The following TBC1D5 variants were observed in gnomAD, a reference collection of about 807,000 sequenced individuals.
TBC1D5 encodes the protein TBC1 domain family member 5.
In TBC1D5, 75 loss-of-function variants were observed where a neutral mutation model predicts 100.3. The ratio of observed to expected loss-of-function variants is 0.75; its 90% CI spans 0.62 to 0.91. The LOEUF (loss-of-function observed/expected upper bound fraction) is 0.91. Ranked by LOEUF, TBC1D5 falls within the 40% of genes least tolerant of loss-of-function variation. The probability of loss-of-function intolerance (pLI) is 0.00; values close to 1 mark genes in which losing one functional copy is unlikely to be tolerated. For synonymous variants in TBC1D5, 323 were observed against 325.6 expected, an observed-to-expected ratio of 0.99 and a Z score of 0.09; for missense variants, 910 against 942.4, an observed-to-expected ratio of 0.97 and a Z score of 0.45.
intron 2 of TBC1D5, among the ~76,000 whole-genome samples, chr3:17,570,973 C>T (rs2096623571): frequency 1.3e-5 from 2 of 151,974 alleles, no homozygotes; most frequent in African/African-American, 4.8e-5. Context: ...TTTCACCTCT[C>T]TAATGTTTCT....
intron 9 of TBC1D5, 80 bp downstream of exon 9, chr3:17,383,833 T>C (rs1218659305): frequency 3.7e-6 from 4 of 1,083,754 alleles, no homozygotes; most frequent in South Asian, 1.6e-5. Flanking sequence ...CAATAAAGGC[T>C]ACATTATTGC....
chr3:17,716,052 C>A (rs1323995180), intron 1 of TBC1D5, among the ~76,000 whole-genome samples: 1 of 150,716 alleles, frequency 6.6e-6, no homozygotes, highest in Non-Finnish European at 1.5e-5. Flanking sequence ...AATTCCATCT[C>A]AAAAAAAAGA....
intron 13 of TBC1D5, among the ~76,000 whole-genome samples, chr3:17,359,317 A>G (rs2091499721): frequency 6.6e-6 from 1 of 152,148 alleles, no homozygotes; most frequent in Non-Finnish European, 1.5e-5. Context: ...ACATTATGAA[A>G]GGTTCTCTTC....
At chr3:17,496,266 T>G (rs954888044) in intron 3 of TBC1D5, among the ~76,000 whole-genome samples, 3 of 152,232 alleles carry the variant, frequency 2.0e-5, no homozygotes, top group South Asian at 4.1e-4. Context: ...TTGTTAATAG[T>G]TTCATTCCAA....
intron 1 of TBC1D5, among the ~76,000 whole-genome samples, chr3:17,641,583 C>G (rs1360061578): frequency 1.3e-5 from 2 of 152,104 alleles, no homozygotes; most frequent in Non-Finnish European, 2.9e-5. Context: ...ATTTGCTACG[C>G]ACCTTCCTCC....
At chr3:17,201,086 AT>A (rs201100061) in intron 18 of TBC1D5, among the ~76,000 whole-genome samples, 10 of 151,726 alleles carry the variant, frequency 6.6e-5, no homozygotes, top group East Asian at 5.8e-4. Context: ...TAAAATCCAA[AT>A]TTTTTTTTAT....
chr3:17,632,874 C>G (rs1371404217), intron 1 of TBC1D5, among the ~76,000 whole-genome samples: 1 of 152,044 alleles, frequency 6.6e-6, no homozygotes, highest in Non-Finnish European at 1.5e-5. Flanking sequence ...ATGTGACTCA[C>G]TTTATTTTGA....
chr3:17,668,083 A>G (rs1483282945), intron 1 of TBC1D5, among the ~76,000 whole-genome samples: 6 of 150,162 alleles, frequency 4.0e-5, no homozygotes, highest in Admixed American at 6.7e-5. Flanking sequence ...AATCTAATAA[A>G]GGCATTCCAC....
At chr3:17,657,442 T>A (rs2066199116) in intron 1 of TBC1D5, among the ~76,000 whole-genome samples, 1 of 151,124 alleles carries the variant, frequency 6.6e-6, no homozygotes, top group Non-Finnish European at 1.5e-5. Flanking sequence ...TTCAAGCAAT[T>A]CCCCCTGCCT....
chr3:17,410,219 C>A (rs897280529), intron 4 of TBC1D5, among the ~76,000 whole-genome samples: 3 of 152,052 alleles, frequency 2.0e-5, no homozygotes, highest in African/African-American at 7.2e-5. Flanking sequence ...AATAACAAAG[C>A]CTGGATGATA....
At chr3:17,655,974 G>A (rs1383474359) in intron 1 of TBC1D5, among the ~76,000 whole-genome samples, 1 of 152,174 alleles carries the variant, frequency 6.6e-6, no homozygotes, top group East Asian at 1.9e-4. Context: ...AAGCCATACA[G>A]TCTGTAGTAC....
chr3:17,344,372 T>C (rs374056786), intron 13 of TBC1D5, among the ~76,000 whole-genome samples: 1 of 152,010 alleles, frequency 6.6e-6, no homozygotes, highest in Non-Finnish European at 1.5e-5. Flanking sequence ...ATGTGAAGGA[T>C]CTCTTCAAGG....
chr3:17,173,418 G>A (rs1018477725), intron 19 of TBC1D5, among the ~76,000 whole-genome samples: 2 of 152,092 alleles, frequency 1.3e-5, no homozygotes, highest in African/African-American at 2.4e-5. Context: ...TTACCTATAC[G>A]CACAACAGAT....
intron 14 of TBC1D5, among the ~76,000 whole-genome samples, chr3:17,300,870 G>C (rs141790219): frequency 6.6e-6 from 1 of 151,918 alleles, no homozygotes. Flanking sequence ...TCAGGAGTTC[G>C]AGACAAGCCT....
chr3:17,260,206 T>C (rs559658265), intron 15 of TBC1D5, among the ~76,000 whole-genome samples: 1 of 152,314 alleles, frequency 6.6e-6, no homozygotes, highest in Non-Finnish European at 1.5e-5. Context: ...ATTTTGCCCT[T>C]TATTCTCAGT....
intron 2 of TBC1D5, among the ~76,000 whole-genome samples, chr3:17,525,781 T>TTTTTTTTTTTTTTTTTTTTTTTGAGAC (rs1480570774): frequency 1.3e-5 from 2 of 151,342 alleles, no homozygotes; most frequent in African/African-American, 4.9e-5. Context: ...TCTGTTTTCT[T>TTTTTTTTTTTTTTTTTTTTTTTGAGAC]GAATAACAAG....
intron 13 of TBC1D5, among the ~76,000 whole-genome samples, chr3:17,369,766 A>G (rs1341498152): frequency 1.3e-5 from 2 of 152,222 alleles, no homozygotes; most frequent in Non-Finnish European, 2.9e-5. Flanking sequence ...CTGGCCTTTC[A>G]TGTGCTCCAT....
intron 1 of TBC1D5, among the ~76,000 whole-genome samples, chr3:17,737,151 C>T (rs1205047413): frequency 1.3e-5 from 2 of 152,244 alleles, no homozygotes; most frequent in Admixed American, 6.5e-5. Flanking sequence ...ATTCCAACTC[C>T]ATCAGGTGGG....
chr3:17,225,700 C>A (rs2074814093), intron 17 of TBC1D5, among the ~76,000 whole-genome samples: 1 of 151,878 alleles, frequency 6.6e-6, no homozygotes, highest in Admixed American at 6.6e-5. Context: ...AAAAAGTAGC[C>A]AGGTGTGATG....
Sources: allele counts gnomAD v4.1 joint callset (sites outside exome capture counted in the v4.1 genomes callset), GRCh38; gene constraint gnomAD v4.1.1; transcripts MANE v1.5; gene names NCBI Gene and HGNC (gene_info 2026-07-23, HGNC 2026-07-21).